PTPRG: variants seen among roughly 807,000 people sequenced by gnomAD.
PTPRG encodes the protein protein tyrosine phosphatase receptor type G, also known as receptor-type tyrosine-protein phosphatase gamma.
Under a neutral mutation model 165.3 loss-of-function variants are expected in PTPRG, and 102 were observed. That is an observed-to-expected ratio of 0.62 (90% CI 0.53 to 0.73). The LOEUF (loss-of-function observed/expected upper bound fraction) is 0.73. Among genes scored for constraint, PTPRG ranks in the 30% least tolerant of loss-of-function variants. The pLI, the probability that PTPRG is intolerant of heterozygous loss-of-function variation, is 0.00. For synonymous variants in PTPRG, 675 were observed against 669.5 expected (o/e 1.01, Z -0.13); for missense variants, 1,866 against 1,861.4 (o/e 1.00, Z -0.05).
intron 2 of PTPRG, among the ~76,000 whole-genome samples, chr3:61,799,047 A>G (rs961091742): frequency 6.6e-6 from 1 of 152,064 alleles, no homozygotes; most frequent in Non-Finnish European, 1.5e-5. Context: ...ATTTTAAAAT[A>G]GTTTTTGATT....
At chr3:61,817,745 G>A (rs1347353041) in intron 2 of PTPRG, among the ~76,000 whole-genome samples, 2 of 152,144 alleles carry the variant, frequency 1.3e-5, no homozygotes, top group Non-Finnish European at 2.9e-5. Context: ...GGCCTACTTG[G>A]GATGTGCATT....
intron 1 of PTPRG, among the ~76,000 whole-genome samples, chr3:61,653,755 C>G (rs1041433680): frequency 3.3e-5 from 5 of 152,130 alleles, no homozygotes; most frequent in Non-Finnish European, 5.9e-5. Context: ...GGCCCAGCCT[C>G]TATGAAAGGG....
chr3:61,610,538 C>T (rs896049101), intron 1 of PTPRG, among the ~76,000 whole-genome samples: 17 of 152,136 alleles, frequency 1.1e-4, no homozygotes, highest in Admixed American at 6.5e-5. Context: ...GAGATTATAT[C>T]GTATGTTTGC....
chr3:62,288,037 G>A (rs949168932), intron 28 of PTPRG, among the ~76,000 whole-genome samples: 1 of 151,354 alleles, frequency 6.6e-6, no homozygotes, highest in Admixed American at 6.6e-5. Context: ...AATAATTCAT[G>A]CATCAAAGAT....
Position 61,586,033 on chromosome 3 carries a change from G to A in PTPRG, c.85+23661G>A, listed in dbSNP as rs574663236. ...GATTATAACATGAATTTTTAGTGAA[G>A]CCTCTGGACGGTTGAGACAAAGGAA... On this transcript the variant is annotated intron_variant, in intron 1 of 29. Transcript: ENST00000474889. Among the ~76,000 whole-genome samples, 4 of 152,346 alleles carry A rather than the reference G, an allele frequency of 2.6e-5. No homozygotes were observed. The South Asian group carries it at 8.3e-4, about 32-fold the overall frequency.
At chr3:61,898,879 G>C (rs1359997381) in intron 2 of PTPRG, among the ~76,000 whole-genome samples, 2 of 152,104 alleles carry the variant, frequency 1.3e-5, no homozygotes, top group African/African-American at 4.8e-5. Context: ...TGTGTCCCTG[G>C]ACAACTTGCT....
intron 1 of PTPRG, among the ~76,000 whole-genome samples, chr3:61,725,563 T>A (rs913105880): frequency 2.6e-5 from 4 of 152,152 alleles, no homozygotes; most frequent in African/African-American, 9.7e-5. Flanking sequence ...TCCATTGATC[T>A]TTATGCCTGA....
intron 11 of PTPRG, 125 bp downstream of exon 11, chr3:62,201,679 G>GA (rs1700098494): frequency 6.9e-6 from 5 of 721,582 alleles, no homozygotes; most frequent in Admixed American, 3.2e-5. Flanking sequence ...TTATAGTAGA[G>GA]AAAAAATTAC....
At chr3:62,080,062 A>ATTTTTT (rs759641101) in intron 5 of PTPRG, among the ~76,000 whole-genome samples, 6 of 128,842 alleles carry the variant, frequency 4.7e-5, no homozygotes, top group African/African-American at 1.1e-4. Context: ...CCTTCGGTTC[A>ATTTTTT]TTTTTTTTTT....
intron 4 of PTPRG, among the ~76,000 whole-genome samples, chr3:62,031,408 G>A (rs1699765562): frequency 6.6e-6 from 1 of 152,192 alleles, no homozygotes; most frequent in Non-Finnish European, 1.5e-5. Context: ...TAGGAAGAGA[G>A]TGGCACATTT....
intron 2 of PTPRG, among the ~76,000 whole-genome samples, chr3:61,796,384 A>G (rs2035044606): frequency 6.6e-6 from 1 of 152,248 alleles, no homozygotes; most frequent in South Asian, 2.1e-4. Flanking sequence ...ACCAAAAAGG[A>G]ATGTAATAAA....
At chr3:61,638,477 G>T (rs1701976601) in intron 1 of PTPRG, among the ~76,000 whole-genome samples, 1 of 150,792 alleles carries the variant, frequency 6.6e-6, no homozygotes, top group Admixed American at 6.6e-5. Flanking sequence ...CAGGGTTCTT[G>T]CCTGGCTTGT....
intron 4 of PTPRG, among the ~76,000 whole-genome samples, chr3:62,069,693 G>A (rs9831899): frequency 1.6e-5 from 1 of 64,248 alleles, no homozygotes; most frequent in African/African-American, 6.2e-5. Context: ...CTCACACACA[G>A]ACACACGCAC....
intron 4 of PTPRG, among the ~76,000 whole-genome samples, chr3:62,065,767 C>T (rs1248244293): frequency 6.6e-6 from 1 of 152,136 alleles, no homozygotes; most frequent in African/African-American, 2.4e-5. Flanking sequence ...GTAAGGGGAT[C>T]TCCACCAGAA....
At chr3:61,567,541 C>G (rs575442195) in intron 1 of PTPRG, among the ~76,000 whole-genome samples, 103 of 151,748 alleles carry the variant, frequency 6.8e-4, no homozygotes, top group African/African-American at 2.4e-3. Flanking sequence ...TGGGTGCACT[C>G]TTTTGTCCCC....
intron 4 of PTPRG, among the ~76,000 whole-genome samples, chr3:62,043,915 C>T (rs1293220263): frequency 6.6e-6 from 1 of 152,036 alleles, no homozygotes; most frequent in African/African-American, 2.4e-5. Context: ...TCATAGGGGC[C>T]TAGTGCAGAT....
At chr3:62,261,666 A>G (rs1290780391) in intron 16 of PTPRG, among the ~76,000 whole-genome samples, 2 of 151,896 alleles carry the variant, frequency 1.3e-5, no homozygotes, top group Non-Finnish European at 2.9e-5. Context: ...ACAGTGTCCA[A>G]CAATTGGAGA....
intron 7 of PTPRG, among the ~76,000 whole-genome samples, chr3:62,159,464 T>G (rs1310265775): frequency 6.6e-6 from 1 of 152,192 alleles, no homozygotes; most frequent in East Asian, 1.9e-4. Flanking sequence ...TAACATATGC[T>G]GGGTTTCATT....
At chr3:62,246,736 T>TA (rs1462199001) in intron 15 of PTPRG, among the ~76,000 whole-genome samples, 1 of 152,154 alleles carries the variant, frequency 6.6e-6, no homozygotes, top group Non-Finnish European at 1.5e-5. Context: ...CTAAAAATAA[T>TA]ACGAGATTTA....
Sources: gnomAD v4.1 joint callset for allele counts (sites outside exome capture counted in the v4.1 genomes callset) on GRCh38, gnomAD v4.1.1 for gene constraint, MANE v1.5 for transcripts, NCBI Gene and HGNC (gene_info 2026-07-23, HGNC 2026-07-21) for gene names.